Variants in DOP1B observed in about 807,000 individuals in gnomAD.
The protein encoded by DOP1B is protein DOP1B.
DOP1B carries 174 observed loss-of-function variants against 233.5 expected under a neutral mutation model. The ratio of observed to expected loss-of-function variants is 0.75; its 90% CI spans 0.66 to 0.85. The LOEUF is 0.85. Among genes scored for constraint, DOP1B ranks in the 40% least tolerant of loss-of-function variants. The probability of loss-of-function intolerance (pLI) is 0.00; values close to 1 mark genes in which losing one functional copy is unlikely to be tolerated. For missense variants in DOP1B, 2,652 were observed against 2,846.6 expected (o/e 0.93, Z 1.56); for synonymous variants, 1,190 against 1,185.6 (o/e 1.00, Z -0.08).
chr21:36,227,412 T>TA (rs2066703322), intron 12 of DOP1B, among the ~76,000 whole-genome samples: 3 of 150,884 alleles, frequency 2.0e-5, no homozygotes, highest in South Asian at 4.2e-4. Flanking sequence ...CCGGGCGTGG[T>TA]GGTGGGCACC....
intron 18 of DOP1B, among the ~76,000 whole-genome samples, chr21:36,243,166 G>A (rs2066911597): frequency 6.6e-6 from 1 of 151,902 alleles, no homozygotes; most frequent in Non-Finnish European, 1.5e-5. Context: ...TTTTAGTAGA[G>A]ATGGGGTTTC....
chr21:36,238,389 G>A (rs192628260), intron 16 of DOP1B, among the ~76,000 whole-genome samples: 24 of 152,150 alleles, frequency 1.6e-4, no homozygotes, highest in African/African-American at 5.8e-4. Flanking sequence ...TGAATGTGCC[G>A]CTGTGTTAAA....
rs190185715 is a variant in DOP1B, at chr21:36,216,384, G to A, written c.1129+1828G>A. On this transcript the variant is annotated intron_variant, in intron 9 of 36. Coordinates refer to ENST00000691173, the MANE Select transcript of DOP1B (RefSeq NM_001320714.2). ...CCAGCACTTTGGGAAGCTGAGGCAGGTGGATCACCTGAGGTCAGGAGTTCA... is the reference window on the plus strand; with the variant it reads ...CCAGCACTTTGGGAAGCTGAGGCAGATGGATCACCTGAGGTCAGGAGTTCA... Among the ~76,000 whole-genome samples the A allele has an allele frequency of 3.2e-3, 490 of 150,942 alleles. 3 individuals are homozygous for A. The highest frequency in any genetic ancestry group is 0.011 in the African/African-American group (467 of 41,086).
rs777207825 is a variant in DOP1B at position 36,231,081 on chromosome 21, A to G, written c.2297A>G (p.Tyr766Cys). 16 of 1,612,908 alleles carry G rather than the reference A, an allele frequency of 9.9e-6. No homozygotes were observed. The highest frequency in any genetic ancestry group is 1.7e-5 in the Admixed American group (1 of 59,920). ...LLLDCATFPVYLSEEETEQLC... is the reference protein window; with the variant it reads ...LLLDCATFPVCLSEEETEQLC... The stretch of plus-strand genomic sequence containing the variant: ...CTGGATTGTGCCACTTTCCCTGTCT[A>G]CCTGTCCGAGGAAGAGACCGAGCAG... Residue 766 changes from tyrosine (Y) to cysteine (C), a missense_variant, in exon 14 of 37, where the codon TAC becomes TGC. Physicochemically the swap from Tyr to Cys is radical, Grantham distance 194. Around this residue, in one of 3 missense-constraint regions of DOP1B, gnomAD observed 2,617 missense variants for 2,794.3 expected, o/e 0.94. Coordinates refer to ENST00000691173, the MANE Select transcript of DOP1B (RefSeq NM_001320714.2).
intron 7 of DOP1B, 25 bp from the exon 8 acceptor site, chr21:36,214,056 C>T: frequency 6.5e-7 from 1 of 1,548,926 alleles, no homozygotes; most frequent in Non-Finnish European, 8.9e-7. Context: ...GCTCTCTTTA[C>T]AGCTCGGCGC....
At chr21:36,183,228 C>T (rs1043540682) in intron 2 of DOP1B, among the ~76,000 whole-genome samples, 1 of 152,176 alleles carries the variant, frequency 6.6e-6, no homozygotes, top group Non-Finnish European at 1.5e-5. Context: ...GACTTCTGTC[C>T]AGTAGATGCC....
At chr21:36,273,050 C>G (rs1327872512) in intron 27 of DOP1B, among the ~76,000 whole-genome samples, 1 of 148,986 alleles carries the variant, frequency 6.7e-6, no homozygotes, top group Non-Finnish European at 1.5e-5. Context: ...TGCAGTGAGT[C>G]GAGATGGCGT....
intron 1 of DOP1B, among the ~76,000 whole-genome samples, chr21:36,157,253 C>G (rs900308483): frequency 1.4e-5 from 2 of 147,334 alleles, no homozygotes; most frequent in East Asian, 2.2e-4. Flanking sequence ...ACGCCCTCGC[C>G]GAGCGGGGCG....
intron 2 of DOP1B, chr21:36,169,155 G>A (rs945987867): frequency 1.2e-5 from 12 of 977,816 alleles, no homozygotes; most frequent in African/African-American, 3.2e-5. Context: ...ATGAGCACTC[G>A]CTTCTTGGTT....
rs79471889 is a variant in DOP1B, at chr21:36,208,193, G to T, written c.492-522G>T. On this transcript the variant is annotated intron_variant, in intron 4 of 36. Transcript: ENST00000691173. ...GCAGGGTCGTGGGAGGCCCCAGGCAGATTTGCCCCTAGCATTTCTAAAGGC... is the reference window on the plus strand; with the variant it reads ...GCAGGGTCGTGGGAGGCCCCAGGCATATTTGCCCCTAGCATTTCTAAAGGC... 6.6e-3 allele frequency among the ~76,000 whole-genome samples: 1,007 copies of T among 151,808 alleles called. 15 individuals carry two copies. The highest frequency in any genetic ancestry group is 0.022 in the African/African-American group (914 of 41,074).
rs2066539064 is a variant in DOP1B at position 36,214,559 on chromosome 21, A to G, written c.1129+3A>G. The G allele has an allele frequency of 1.2e-6, 2 of 1,612,784 alleles. No individual in the cohort carries two copies. Among genetic ancestry groups the G allele is most frequent in the Non-Finnish European group, 1.7e-6 (2 of 1,179,204 alleles). ...TCTGCTTGACAAGCCAGAAATAGGT[A>G]ATGTTAGAAATGCTGCTTCTATCCT... On this transcript the variant is annotated splice_donor_region_variant and intron_variant, in intron 9 of 36. Coordinates refer to ENST00000691173, the MANE Select transcript of DOP1B (RefSeq NM_001320714.2).
At chr21:36,284,265 C>CTTTCT (rs2067455282) in intron 32 of DOP1B, among the ~76,000 whole-genome samples, 1 of 75,876 alleles carries the variant, frequency 1.3e-5, no homozygotes, top group East Asian at 3.0e-4. Flanking sequence ...TTCCTTCTTT[C>CTTTCT]TTTTTTTTTT....
rs771551807 is a variant in DOP1B at position 36,289,027 on chromosome 21, T to G, written c.6354-18T>G. 1 of 1,609,944 alleles carries G rather than the reference T, an allele frequency of 6.2e-7. No homozygotes were observed. The highest frequency in any genetic ancestry group is 1.1e-5 in the South Asian group (1 of 90,238). ...ATCTGAATGAATTTATAACAAGCGT[T>G]TCTTTGCAAATTTATAGAAGCACCA... On this transcript the variant is annotated intron_variant, in intron 34 of 36. Transcript: ENST00000691173.
intron 1 of DOP1B, 162 bp from the exon 2 acceptor site, chr21:36,164,546 C>T: frequency 2.3e-6 from 1 of 426,690 alleles, no homozygotes; most frequent in Non-Finnish European, 4.0e-6. Flanking sequence ...TCATCTCCCA[C>T]AGTGCCTGGC....
intron 5 of DOP1B, 65 bp downstream of exon 5, chr21:36,208,969 G>C (rs2066462022): frequency 1.4e-6 from 2 of 1,421,186 alleles, no homozygotes; most frequent in South Asian, 1.5e-5. Flanking sequence ...ATCCTCATGG[G>C]CAGGTTGTCA....
chr21:36,228,886 G>A lies in DOP1B; in HGVS notation c.1665+1009G>A, dbSNP rs529247051. On this transcript the variant is annotated intron_variant, in intron 13 of 36. Coordinates refer to ENST00000691173, the MANE Select transcript of DOP1B (RefSeq NM_001320714.2). The stretch of plus-strand genomic sequence containing the variant: ...CTCAGGAGGCTGAGGTGGGAGGATC[G>A]CTTGAGCCCAACAGGTTGAGGCTGC... Among the ~76,000 whole-genome samples, 69 of 152,212 alleles carry A rather than the reference G, an allele frequency of 4.5e-4. No homozygotes were observed. In the South Asian group the frequency reaches 0.013, roughly 29 times the overall value.
chr21:36,211,142 C>T (rs1357771944), intron 5 of DOP1B, among the ~76,000 whole-genome samples: 3 of 152,216 alleles, frequency 2.0e-5, no homozygotes, highest in Non-Finnish European at 4.4e-5. Flanking sequence ...TTGTCTGTGG[C>T]TCTAATTTCT....
intron 2 of DOP1B, chr21:36,169,376 G>T: frequency 2.4e-6 from 2 of 827,070 alleles, no homozygotes; most frequent in Non-Finnish European, 4.2e-6. Flanking sequence ...TTTCTGCCCA[G>T]CACATGCCAT....
chr21:36,246,578 C>G lies in DOP1B; in HGVS notation c.4598C>G (p.Ser1533Cys). ...CATTCCTTGCCCTACTTCGGAAAGT[C>G]CCTGGGCTGGACGGTGACACCCTTT... ...VTHSLPYFGK[S>C]LGWTVTPFVV... Residue 1533 changes from serine to cysteine, a missense_variant, in exon 19 of 37, where the codon TCC becomes TGC. Ser to Cys is a moderately radical substitution (Grantham distance 112). Coordinates refer to ENST00000691173, the MANE Select transcript of DOP1B (RefSeq NM_001320714.2). The surrounding 1 kb of genome is among the most constrained non-coding windows in gnomAD (Gnocchi z 5.1). 3.1e-6 allele frequency: 5 copies of G among 1,614,130 alleles called. No individual in the cohort carries two copies. The highest frequency in any genetic ancestry group is 4.2e-6 in the Non-Finnish European group (5 of 1,180,046).
Sources: allele counts gnomAD v4.1 joint callset (sites outside exome capture counted in the v4.1 genomes callset), GRCh38; gene constraint gnomAD v4.1.1; regional missense constraint gnomAD v4.1.1; non-coding constraint Gnocchi (gnomAD v3.1); transcripts MANE v1.5; gene names NCBI Gene and HGNC (gene_info 2026-07-23, HGNC 2026-07-21).